The following ANKRD36B variants were observed in gnomAD, a reference collection of about 807,000 sequenced individuals.
ANKRD36B encodes the protein ankyrin repeat domain 36B.
Under a neutral mutation model 135.7 loss-of-function variants are expected in ANKRD36B, and 37 were observed. The ratio of observed to expected loss-of-function variants is 0.27; its 90% CI spans 0.21 to 0.36. ANKRD36B has a LOEUF of 0.36. Ranked by LOEUF, ANKRD36B falls within the 10% of genes least tolerant of loss-of-function variation. The pLI, the probability that ANKRD36B is intolerant of heterozygous loss-of-function variation, is 1.00. For synonymous variants in ANKRD36B, 179 were observed against 348.1 expected (o/e 0.51, Z 5.41); for missense variants, 549 against 1,037.1 (o/e 0.53, Z 6.46).
At position 97,522,133 on chromosome 2, in the gene ANKRD36B, A is replaced by G. The variant is rs1298843207; in HGVS notation, c.2407+1193T>C. ...TGCTAGGCAAACATTTTTACATATG[A>G]CACAAAATGCAAAATCTGTAATTCA... On this transcript the variant is annotated intron_variant, in intron 36 of 43. Coordinates refer to ENST00000359901, the MANE Select transcript of ANKRD36B (RefSeq NM_001393939.1). Among the ~76,000 whole-genome samples, 3 of 90,254 alleles carry G rather than the reference A, an allele frequency of 3.3e-5. 1 individual carries two copies. Among genetic ancestry groups the G allele is most frequent in the Non-Finnish European group, 5.8e-5 (2 of 34,772 alleles). 59.2% of individuals were successfully genotyped at this position (90,254 alleles called of 152,430 possible).
At chr2:97,546,878 A>C (rs574481536) in intron 22 of ANKRD36B, among the ~76,000 whole-genome samples, 5 of 151,650 alleles carry the variant, frequency 3.3e-5, no homozygotes, top group Non-Finnish European at 7.4e-5. Flanking sequence ...TCCTAGTAAC[A>C]AAGAGGAGTA....
intron 5 of ANKRD36B, among the ~76,000 whole-genome samples, chr2:97,577,060 CATAA>C (rs760727897): frequency 3.9e-5 from 6 of 151,922 alleles, no homozygotes; most frequent in Admixed American, 6.6e-5. Flanking sequence ...TTTCATAATT[CATAA>C]ATAAATTAAT....
chr2:97,529,341 T>C lies in ANKRD36B; in HGVS notation c.2265+2970A>G, dbSNP rs1229322764. ...CAATAGATGCAGAAAAGGCCTTTGA[T>C]AAAATTCAACAACCCTTCATGCTAA... On this transcript the variant is annotated intron_variant, in intron 35 of 43. Transcript: ENST00000359901. Among the ~76,000 whole-genome samples the C allele has an allele frequency of 8.4e-5, 8 of 95,348 alleles. 4 individuals carry two copies. Among genetic ancestry groups the C allele is most frequent in the Non-Finnish European group, 1.7e-4 (6 of 35,950 alleles). 62.6% of individuals were successfully genotyped at this position (95,348 alleles called of 152,430 possible). A position where few individuals can be genotyped will look rare whatever the true frequency, so the allele number is the denominator to read the frequency against.
In ANKRD36B at chr2:97,549,594, C is replaced by T. The variant is rs201353999; in HGVS notation, c.1396G>A (p.Ala466Thr). ...AATGAGAGTTTCATTACCTTCAAGG[C>T]TGGTGGTTTCTGAGAAGACACTGAA... ...SRTVSSQKPP[A>T]LKATSVKEDS... Residue 466 changes from alanine (A) to threonine (T), a missense_variant, in exon 19 of 44, where the codon GCC (alanine) becomes ACC (threonine). Physicochemically the swap from Ala to Thr is moderately conservative, Grantham distance 58. Transcript: ENST00000359901. 7.1e-4 allele frequency: 1,150 copies of T among 1,608,602 alleles called. 4 individuals are homozygous for T. Among genetic ancestry groups the T allele is most frequent in the Non-Finnish European group, 8.3e-4 (975 of 1,177,876 alleles).
chr2:97,549,137 A>G (rs1576932225), intron 20 of ANKRD36B, among the ~76,000 whole-genome samples: 1 of 151,878 alleles, frequency 6.6e-6, no homozygotes, highest in East Asian at 1.9e-4. Context: ...AAGCAAAACT[A>G]TGCTCTTCCC....
chr2:97,496,447 A>G lies in ANKRD36B; in HGVS notation c.*7-3592T>C, dbSNP rs1000439323. On this transcript the variant is annotated intron_variant, in intron 43 of 43. Transcript: ENST00000359901. Reference sequence around the variant, plus strand: ...TTGATGAGGGCAGTTATGCTAAATAACAGATTTTCAATGTAGACAAAACAG... The same window carrying G: ...TTGATGAGGGCAGTTATGCTAAATAGCAGATTTTCAATGTAGACAAAACAG... 4.2e-5 allele frequency among the ~76,000 whole-genome samples: 3 copies of G among 71,726 alleles called. 1 individual carries two copies. Among genetic ancestry groups the G allele is most frequent in the Non-Finnish European group, 1.3e-4 (3 of 23,696 alleles). The allele number at this position is 71,726 out of a possible 152,430, so 47.1% of individuals were successfully genotyped here.
chr2:97,571,757 T>C (rs2081893242), intron 6 of ANKRD36B, among the ~76,000 whole-genome samples: 1 of 152,230 alleles, frequency 6.6e-6, no homozygotes, highest in Non-Finnish European at 1.5e-5. Flanking sequence ...CTATCAATCA[T>C]AGAGCTCATT....
intron 6 of ANKRD36B, among the ~76,000 whole-genome samples, chr2:97,563,681 A>G (rs900832734): frequency 6.6e-6 from 1 of 152,058 alleles, no homozygotes; most frequent in Non-Finnish European, 1.5e-5. Flanking sequence ...AAAAGCACAC[A>G]CTGGATTTTC....
At chr2:97,521,906 G>C (rs1407267605) in intron 36 of ANKRD36B, among the ~76,000 whole-genome samples, 1 of 88,290 alleles carries the variant, frequency 1.1e-5, no homozygotes, top group East Asian at 2.5e-4. Flanking sequence ...AAGGCAGGAT[G>C]GCAATGCAGT....
Position 97,537,762 on chromosome 2 carries a change from T to C in ANKRD36B, c.2089+406A>G, listed in dbSNP as rs1443196749. 1.1e-4 allele frequency among the ~76,000 whole-genome samples: 11 copies of C among 96,612 alleles called. 5 individuals are homozygous for C. The highest frequency in any genetic ancestry group is 3.0e-4 in the Non-Finnish European group (11 of 36,290). 63.4% of individuals were successfully genotyped at this position (96,612 alleles called of 152,430 possible). A position where few individuals can be genotyped will look rare whatever the true frequency, so the allele number is the denominator to read the frequency against. ...CTTGCTCCTCATTCTCCAGTGTTTA[T>C]GGGTTATTATGACAACTTCCTCCCT... On this transcript the variant is annotated intron_variant, in intron 32 of 43. Transcript: ENST00000359901.
chr2:97,580,247 A>G (rs2082541247), intron 4 of ANKRD36B, among the ~76,000 whole-genome samples: 1 of 152,256 alleles, frequency 6.6e-6, no homozygotes, highest in South Asian at 2.1e-4. Context: ...GTCTATAGAG[A>G]GAGATGAATC....
At position 97,547,842 on chromosome 2, in the gene ANKRD36B, GC is replaced by G. The variant is rs1167427423; in HGVS notation, c.1478-112del. ...TGTCTTCCTGCCTGTATTAGCATAG[GC>G]TTTGATGGCTTCTACTTTGTGTCTG... On this transcript the variant is annotated intron_variant, in intron 20 of 43. Transcript: ENST00000359901. 9 of 1,433,390 alleles carry G rather than the reference GC, an allele frequency of 6.3e-6. No homozygotes were observed. In the Admixed American group the frequency reaches 1.8e-4, roughly 29 times the overall value. The allele number at this position is 1,433,390 out of a possible 1,614,324, so 88.8% of individuals were successfully genotyped here.
chr2:97,578,507 T>G (rs1360941342), intron 5 of ANKRD36B, among the ~76,000 whole-genome samples: 2 of 152,056 alleles, frequency 1.3e-5, no homozygotes, highest in African/African-American at 4.8e-5. Context: ...GATCAGGCTA[T>G]AGTAGATGGT....
intron 12 of ANKRD36B, among the ~76,000 whole-genome samples, chr2:97,556,328 G>A (rs1230449172): frequency 7.9e-5 from 12 of 151,820 alleles, no homozygotes; most frequent in African/African-American, 2.2e-4. Flanking sequence ...TCCTGATTCC[G>A]GTAGTCATCG....
At chr2:97,546,320 G>C (rs1327018223) in intron 22 of ANKRD36B, among the ~76,000 whole-genome samples, 3 of 151,734 alleles carry the variant, frequency 2.0e-5, no homozygotes, top group Admixed American at 6.6e-5. Context: ...AGAAGGCACA[G>C]AATTACGACG....
rs1272309660 is a variant in ANKRD36B, at chr2:97,523,926, C to G, written c.2266-459G>C. ...AGTCTTTTGGAAGTTGAACTTTCTC[C>G]AAAGCCAGGAACTCTACTTTACTTG... On this transcript the variant is annotated intron_variant, in intron 35 of 43. Transcript: ENST00000359901. The G allele has an allele frequency of 3.2e-5, 2 of 62,798 alleles. 1 individual carries two copies. Among genetic ancestry groups the G allele is most frequent in the Non-Finnish European group, 8.7e-5 (2 of 23,076 alleles). 3.9% of individuals were successfully genotyped at this position (62,798 alleles called of 1,614,324 possible).
intron 3 of ANKRD36B, among the ~76,000 whole-genome samples, 173 bp downstream of exon 3, chr2:97,584,771 T>C (rs2082864181): frequency 7.2e-6 from 1 of 139,130 alleles, no homozygotes; most frequent in Non-Finnish European, 1.5e-5. Flanking sequence ...CCTATAATGC[T>C]TCTTTAAAAG....
rs2079831615 is a variant in ANKRD36B, at chr2:97,549,498, G to A, written c.1405-7C>T. ...CTTCCTTGACACTTGTAGCCTGAAT[G>A]GAATTTGAAATGAAATAATAAATAA... On this transcript the variant is annotated splice_region_variant and splice_polypyrimidine_tract_variant and intron_variant, in intron 19 of 43. Transcript: ENST00000359901. The A allele has an allele frequency of 1.3e-6, 2 of 1,595,762 alleles. No homozygotes were observed. The highest frequency in any genetic ancestry group is 1.7e-6 in the Non-Finnish European group (2 of 1,170,974).
intron 6 of ANKRD36B, among the ~76,000 whole-genome samples, chr2:97,562,246 C>CAT (rs775392183): frequency 2.6e-5 from 4 of 151,540 alleles, no homozygotes; most frequent in Admixed American, 6.6e-5. Context: ...TGACATAATA[C>CAT]ATATATATAC....
Sources: gnomAD v4.1 joint callset for allele counts (sites outside exome capture counted in the v4.1 genomes callset) on GRCh38, gnomAD v4.1.1 for gene constraint, MANE v1.5 for transcripts, NCBI Gene and HGNC (gene_info 2026-07-23, HGNC 2026-07-21) for gene names.